The following RNF34 variants were observed in gnomAD, a reference collection of about 807,000 sequenced individuals.
RNF34 encodes the protein ring finger protein 34.
A neutral mutation model predicts 37.9 loss-of-function variants in RNF34; 12 were observed. That is an observed-to-expected ratio of 0.32 (90% CI 0.20 to 0.51). The LOEUF is 0.51. Ranked by LOEUF, RNF34 falls within the 20% of genes least tolerant of loss-of-function variation. The pLI is 0.97. For synonymous variants in RNF34, 155 were observed against 177.2 expected (o/e 0.87, Z 1.00); for missense variants, 362 against 472.7 (o/e 0.77, Z 2.17).
intron 3 of RNF34, chr12:121,418,113 C>T (rs868958966): frequency 1.7e-6 from 1 of 598,028 alleles, no homozygotes. Flanking sequence ...CCAAAGTCTG[C>T]TGTCTGAAGG....
Position 121,401,354 on chromosome 12 carries a change from C to CAAAAA in RNF34, c.6+1152_6+1156dup, listed in dbSNP as rs563285897. ...TTACAAGGCAGAAGGCTATAGGTAT[C>CAAAAA]AAAAAAAAAAAAAAAAAAAAGGCAG... On this transcript the variant is annotated intron_variant, in intron 1 of 5. Coordinates refer to ENST00000361234, the MANE Select transcript of RNF34 (RefSeq NM_025126.4). 5.7e-3 allele frequency among the ~76,000 whole-genome samples: 437 copies of CAAAAA among 76,752 alleles called. 8 individuals carry two copies. Among genetic ancestry groups the CAAAAA allele is most frequent in the African/African-American group, 0.013 (295 of 22,614 alleles). 50.4% of individuals were successfully genotyped at this position (76,752 alleles called of 152,430 possible). A position where few individuals can be genotyped will look rare whatever the true frequency, so the allele number is the denominator to read the frequency against.
chr12:121,413,099 C>G (rs1254334899), intron 1 of RNF34, among the ~76,000 whole-genome samples: 1 of 151,300 alleles, frequency 6.6e-6, no homozygotes. Flanking sequence ...GATCTAGGCT[C>G]ACTGCAACCT....
intron 3 of RNF34, chr12:121,418,726 T>TC (rs1469043024): frequency 6.6e-6 from 1 of 152,154 alleles, no homozygotes; most frequent in African/African-American, 2.4e-5. Context: ...AGCAAGACTT[T>TC]TTTTTTTGTT....
At position 121,418,080 on chromosome 12, in the gene RNF34, G is replaced by A. The variant is rs1871743694; in HGVS notation, c.633+169G>A. On this transcript the variant is annotated intron_variant, in intron 3 of 5. Coordinates refer to ENST00000361234, the MANE Select transcript of RNF34 (RefSeq NM_025126.4). ...CTTAAAGGCTGTCCTGATGTATAGT[G>A]TCTGCTGAGGTGCTAGGTGGCTCCA... 7.1e-6 allele frequency: 5 copies of A among 705,688 alleles called. No individual in the cohort carries two copies. In the South Asian group the frequency reaches 7.5e-5, roughly 11 times the overall value. The allele number at this position is 705,688 out of a possible 1,614,324, so 43.7% of individuals were successfully genotyped here.
chr12:121,409,106 A>G (rs1343626720), intron 1 of RNF34, among the ~76,000 whole-genome samples: 1 of 151,964 alleles, frequency 6.6e-6, no homozygotes, highest in Non-Finnish European at 1.5e-5. Flanking sequence ...CAGCCTCTCG[A>G]GTAGCTTGGA....
chr12:121,420,416 T>C, intron 4 of RNF34, 82 bp downstream of exon 4: 1 of 1,551,538 alleles, frequency 6.4e-7, no homozygotes, highest in Non-Finnish European at 8.7e-7. Flanking sequence ...TTCGCTAGAT[T>C]AGTACAGGAT....
intron 1 of RNF34, 122 bp from the exon 2 acceptor site, chr12:121,416,037 G>A (rs2137062421): frequency 2.8e-6 from 2 of 720,534 alleles, no homozygotes; most frequent in South Asian, 1.8e-5. Context: ...GTGCCCAGAG[G>A]AATATAGTAA....
chr12:121,400,315 A>G, intron 1 of RNF34, 97 bp downstream of exon 1: 5 of 1,417,278 alleles, frequency 3.5e-6, no homozygotes, highest in Non-Finnish European at 4.8e-6. Context: ...GCGGTTACCT[A>G]GTCGTCATCT....
rs1872017951 is a variant in RNF34 at position 121,420,353 on chromosome 12, T to C, written c.726+19T>C. The C allele has an allele frequency of 6.4e-7, 1 of 1,555,654 alleles. No homozygotes were observed. Among genetic ancestry groups the C allele is most frequent in the African/African-American group, 1.4e-5 (1 of 73,070 alleles). On this transcript the variant is annotated intron_variant, in intron 4 of 5. Transcript: ENST00000361234. Reference sequence around the variant, plus strand: ...GGATCGGGTGAGGCCACCTATAAAATTTGGTTTCCCTGACATGTCAGCCTG... The same window carrying C: ...GGATCGGGTGAGGCCACCTATAAAACTTGGTTTCCCTGACATGTCAGCCTG...
In RNF34 at chr12:121,423,450, C is replaced by T. The variant is rs373171102; in HGVS notation, c.993C>T (p.Ala331=). The change falls in exon 6 of 6, where the codon GCC becomes GCT. Residue 331 remains alanine, a synonymous_variant. Coordinates refer to ENST00000361234, the MANE Select transcript of RNF34 (RefSeq NM_025126.4). The surrounding 1 kb of genome is among the most constrained non-coding windows in gnomAD (Gnocchi z 4.3). ...GCCTGTGTCGCATCTGCATGGATGC[C>T]GTCATCGACTGTGTCCTACTGGAGT... ...DDSLCRICMD[A]VIDCVLLECG... 34 of 1,613,260 alleles carry T rather than the reference C, an allele frequency of 2.1e-5. No homozygotes were observed. The highest frequency in any genetic ancestry group is 2.5e-5 in the Non-Finnish European group (29 of 1,179,580).
At chr12:121,415,487 G>A (rs1242389833) in intron 1 of RNF34, among the ~76,000 whole-genome samples, 1 of 151,670 alleles carries the variant, frequency 6.6e-6, no homozygotes, top group East Asian at 2.0e-4. Context: ...TGTGTGGCGT[G>A]TGCCTGTAAT....
intron 1 of RNF34, among the ~76,000 whole-genome samples, chr12:121,412,965 C>G (rs1251019575): frequency 6.6e-6 from 1 of 151,930 alleles, no homozygotes; most frequent in Non-Finnish European, 1.5e-5. Flanking sequence ...TCTGCTCCCC[C>G]ACCTCTGCCT....
chr12:121,423,874 G>GAA lies in RNF34; in HGVS notation c.*298_*299insAA. The stretch of plus-strand genomic sequence containing the variant: ...GTGGGCATCAGCCACTGCTGTCTTG[G>GAA]GAGGACACTTATCCTGTTCTCTTAT... On this transcript the variant is annotated 3_prime_UTR_variant, in exon 6 of 6. Transcript: ENST00000361234. The surrounding 1 kb of genome is among the most constrained non-coding windows in gnomAD (Gnocchi z 4.3). 5.8e-6 allele frequency: 2 copies of GAA among 342,368 alleles called. No homozygotes were observed. Among genetic ancestry groups the GAA allele is most frequent in the Non-Finnish European group, 1.1e-5 (2 of 184,004 alleles). 21.2% of individuals were successfully genotyped at this position (342,368 alleles called of 1,614,324 possible).
At chr12:121,422,807 C>T (rs1307129857) in intron 5 of RNF34, among the ~76,000 whole-genome samples, 3 of 152,178 alleles carry the variant, frequency 2.0e-5, no homozygotes, top group Non-Finnish European at 4.4e-5. Flanking sequence ...AGAGCCAGGA[C>T]GGCCCATCTC....
intron 1 of RNF34, among the ~76,000 whole-genome samples, chr12:121,412,148 G>A (rs536876100): frequency 3.3e-5 from 5 of 151,106 alleles, no homozygotes; most frequent in South Asian, 2.1e-4. Context: ...TGCAAACTCC[G>A]CCTCCTGGGT....
At chr12:121,420,860 CAA>C in intron 5 of RNF34, 82 bp downstream of exon 5, 1 of 1,030,172 alleles carries the variant, frequency 9.7e-7, no homozygotes, top group Middle Eastern at 2.4e-4. Flanking sequence ...ACAATTAAGT[CAA>C]ATTTATTTTT....
In RNF34 at chr12:121,409,182, G is replaced by A. The variant is rs1222443622; in HGVS notation, c.7-6977G>A. On this transcript the variant is annotated intron_variant, in intron 1 of 5. Coordinates refer to ENST00000361234, the MANE Select transcript of RNF34 (RefSeq NM_025126.4). ...TTTAGTAGAGACGGGGTTTTACCAT[G>A]TTGGCCAGGCTGGTCTCAAACTCCT... 2.6e-5 allele frequency among the ~76,000 whole-genome samples: 4 copies of A among 152,134 alleles called. No homozygotes were observed. In the East Asian group the frequency reaches 5.8e-4, roughly 22 times the overall value.
intron 1 of RNF34, among the ~76,000 whole-genome samples, chr12:121,407,309 A>G (rs111378433): frequency 0.02 from 3,058 of 152,248 alleles, 100 homozygotes; most frequent in African/African-American, 0.069. Context: ...TTTTCCCCCA[A>G]TGAACAAATA....
chr12:121,415,557 A>G (rs1017091787), intron 1 of RNF34, among the ~76,000 whole-genome samples: 5 of 152,194 alleles, frequency 3.3e-5, no homozygotes, highest in African/African-American at 1.2e-4. Context: ...TGGAGGTTGC[A>G]GTGAGCCGAG....
Sources: allele counts gnomAD v4.1 joint callset (sites outside exome capture counted in the v4.1 genomes callset), GRCh38; gene constraint gnomAD v4.1.1; non-coding constraint Gnocchi (gnomAD v3.1); transcripts MANE v1.5; gene names NCBI Gene and HGNC (gene_info 2026-07-23, HGNC 2026-07-21).